TRHDE: variants seen among roughly 807,000 people sequenced by gnomAD.
TRHDE encodes the protein thyrotropin releasing hormone degrading enzyme.
A neutral mutation model predicts 125.7 loss-of-function variants in TRHDE; 72 were observed. The ratio of observed to expected loss-of-function variants is 0.57; its 90% CI spans 0.47 to 0.70. TRHDE has a LOEUF of 0.70. Among genes scored for constraint, TRHDE ranks in the 30% least tolerant of loss-of-function variants. TRHDE has a pLI of 0.00. For missense variants in TRHDE, 1,110 were observed against 1,327.1 expected (o/e 0.84, Z 2.54); for synonymous variants, 509 against 509.1 (o/e 1.00, Z 0.00).
rs1022730764 is a variant in TRHDE at position 72,304,240 on chromosome 12, A to G, written c.1188+17286A>G. On this transcript the variant is annotated intron_variant, in intron 2 of 18. Coordinates refer to ENST00000261180, the MANE Select transcript of TRHDE (RefSeq NM_013381.3). ...GCCCTTATTGGTAATATGAATGTCA[A>G]TAGTCTTAATTGTTCTGATTTTATT... 3.3e-5 allele frequency among the ~76,000 whole-genome samples: 5 copies of G among 152,286 alleles called. No homozygotes were observed. In the East Asian group the frequency reaches 9.7e-4, roughly 29 times the overall value.
At chr12:72,137,981 A>G (rs137946974) in intron 2 of TRHDE, among the ~76,000 whole-genome samples, 12 of 152,366 alleles carry the variant, frequency 7.9e-5, no homozygotes, top group Middle Eastern at 6.8e-3. Flanking sequence ...TTGGGTGAAC[A>G]TAGAATCACC....
At chr12:72,457,511 C>G (rs1431294298) in intron 3 of TRHDE, among the ~76,000 whole-genome samples, 3 of 152,026 alleles carry the variant, frequency 2.0e-5, no homozygotes, top group Non-Finnish European at 4.4e-5. Context: ...TAATACTACG[C>G]ACTGCAATAA....
At chr12:72,194,784 G>A (rs1273074949) in intron 2 of TRHDE, among the ~76,000 whole-genome samples, 3 of 152,060 alleles carry the variant, frequency 2.0e-5, no homozygotes, top group Non-Finnish European at 4.4e-5. Context: ...CACCATTGAT[G>A]GGTGTTTAGA....
At chr12:72,272,257 T>G, upstream of TRHDE, 1 of 370,784 alleles carries the variant, frequency 2.7e-6, no homozygotes, top group Non-Finnish European at 5.4e-6. This position sits in a 1 kb window ranked among gnomAD's most constrained non-coding sequence, Gnocchi z 6.7. Context: ...GAGAACCGGT[T>G]GGAAGGCTCC....
chr12:72,122,831 A>T (rs1319036584), intron 2 of TRHDE, among the ~76,000 whole-genome samples: 1 of 152,086 alleles, frequency 6.6e-6, no homozygotes, highest in Non-Finnish European at 1.5e-5. Context: ...TCCAAACCTA[A>T]ATATTTTTAA....
chr12:72,184,909 C>A (rs1877170092), intron 2 of TRHDE, among the ~76,000 whole-genome samples: 1 of 152,216 alleles, frequency 6.6e-6, no homozygotes, highest in African/African-American at 2.4e-5. Flanking sequence ...GCTCTTGGCA[C>A]CTCCCCTGCC....
Position 72,431,570 on chromosome 12 carries a change from T to C in TRHDE, c.1316-38188T>C, listed in dbSNP as rs533606228. Among the ~76,000 whole-genome samples the C allele has an allele frequency of 3.9e-5, 6 of 152,170 alleles. No individual in the cohort carries two copies. In the South Asian group the frequency reaches 1.2e-3, roughly 32 times the overall value. ...TGCTATTTTTCCACTCACAATCTTA[T>C]ATTTAGGTACCTTTTGATTCTATGG... On this transcript the variant is annotated intron_variant, in intron 3 of 18. Transcript: ENST00000261180.
Position 72,664,428 on chromosome 12 carries a change from A to T in TRHDE, c.*1233A>T, listed in dbSNP as rs551505129. The T allele has an allele frequency of 9.8e-5, 15 of 152,564 alleles. No homozygotes were observed. Among genetic ancestry groups the T allele is most frequent in the Admixed American group, 7.2e-4 (11 of 15,240 alleles). The allele number at this position is 152,564 out of a possible 1,614,324, so 9.5% of individuals were successfully genotyped here. ...TTTGTGCCAGTTGTGCCATCCCTTAAGATGAAAAGTTCCTTTTCTTGTGTT... is the reference window on the plus strand; with the variant it reads ...TTTGTGCCAGTTGTGCCATCCCTTATGATGAAAAGTTCCTTTTCTTGTGTT... On this transcript the variant is annotated 3_prime_UTR_variant, in exon 19 of 19. Coordinates refer to ENST00000261180, the MANE Select transcript of TRHDE (RefSeq NM_013381.3).
At chr12:72,175,138 T>G in intron 2 of TRHDE, among the ~76,000 whole-genome samples, 1 of 152,226 alleles carries the variant, frequency 6.6e-6, no homozygotes, top group Non-Finnish European at 1.5e-5. Context: ...GCTCAGTGAT[T>G]AGCAATTCCC....
At position 72,668,802 on chromosome 12, in the gene TRHDE, T is replaced by C. The variant is rs1875180825; in HGVS notation, c.*5607T>C. ...AATTAATTAGTGGTATTCACTTGGA[T>C]TCAAAACTCTGCAAACTGAAGCCTT... On this transcript the variant is annotated 3_prime_UTR_variant, in exon 19 of 19. Coordinates refer to ENST00000261180, the MANE Select transcript of TRHDE (RefSeq NM_013381.3). The C allele has an allele frequency of 6.6e-6, 1 of 151,892 alleles. No homozygotes were observed. Among genetic ancestry groups the C allele is most frequent in the African/African-American group, 2.4e-5 (1 of 41,524 alleles). The allele number at this position is 151,892 out of a possible 1,614,324, so 9.4% of individuals were successfully genotyped here. A position where few individuals can be genotyped will look rare whatever the true frequency, so the allele number is the denominator to read the frequency against.
At chr12:72,454,473 C>G (rs759192136) in intron 3 of TRHDE, among the ~76,000 whole-genome samples, 1 of 152,102 alleles carries the variant, frequency 6.6e-6, no homozygotes, top group Non-Finnish European at 1.5e-5. Flanking sequence ...TCTATGGAAC[C>G]ATTAATCCCT....
intron 3 of TRHDE, among the ~76,000 whole-genome samples, chr12:72,408,832 A>C (rs556903740): frequency 6.6e-6 from 1 of 152,276 alleles, no homozygotes; most frequent in Admixed American, 6.5e-5. Context: ...AGCATGAAGA[A>C]GCAAAGAGAT....
At chr12:72,512,544 T>G (rs1233464287) in intron 6 of TRHDE, among the ~76,000 whole-genome samples, 1 of 138,810 alleles carries the variant, frequency 7.2e-6, no homozygotes, top group Non-Finnish European at 1.5e-5. Flanking sequence ...TTATATATAT[T>G]CATATATAAT....
intron 7 of TRHDE, among the ~76,000 whole-genome samples, chr12:72,545,305 A>T (rs1869362881): frequency 6.6e-6 from 1 of 151,548 alleles, no homozygotes; most frequent in African/African-American, 2.4e-5. Flanking sequence ...CAATAGAATA[A>T]ATAAGGAGAA....
chr12:72,227,460 A>G (rs188172921), intron 2 of TRHDE, among the ~76,000 whole-genome samples: 19 of 152,296 alleles, frequency 1.2e-4, no homozygotes, highest in East Asian at 1.2e-3. Context: ...CTGTGATTCA[A>G]TTAACTCCAA....
intron 2 of TRHDE, among the ~76,000 whole-genome samples, chr12:72,372,011 G>C (rs1262786703): frequency 6.6e-6 from 1 of 152,156 alleles, no homozygotes; most frequent in Non-Finnish European, 1.5e-5. Context: ...CCCACCAACA[G>C]TATAAAAGTG....
intron 15 of TRHDE, among the ~76,000 whole-genome samples, chr12:72,642,016 G>T (rs1458371912): frequency 6.6e-6 from 1 of 152,156 alleles, no homozygotes; most frequent in African/African-American, 2.4e-5. Flanking sequence ...ACCCCAGATT[G>T]TTTTTTAGCC....
chr12:72,557,084 A>G (rs1456131183), intron 7 of TRHDE, among the ~76,000 whole-genome samples: 4 of 152,202 alleles, frequency 2.6e-5, no homozygotes, highest in Non-Finnish European at 5.9e-5. Context: ...TTCCTTGGGT[A>G]AAGTTCAAAC....
intron 17 of TRHDE, 92 bp from the exon 18 acceptor site, chr12:72,656,835 C>T (rs908213611): frequency 1.5e-5 from 13 of 858,568 alleles, no homozygotes; most frequent in Admixed American, 1.1e-4. Context: ...CTGAGCAAAT[C>T]GAACCCTTGA....
Sources: gnomAD v4.1 joint callset for allele counts (sites outside exome capture counted in the v4.1 genomes callset) on GRCh38, gnomAD v4.1.1 for gene constraint, Gnocchi (gnomAD v3.1) non-coding constraint, MANE v1.5 for transcripts, NCBI Gene and HGNC (gene_info 2026-07-23, HGNC 2026-07-21) for gene names.